Variants in CPLANE1 observed in about 807,000 individuals in gnomAD.
CPLANE1 encodes the protein ciliogenesis and planar polarity effector complex subunit 1.
Under a neutral mutation model 362.5 loss-of-function variants are expected in CPLANE1, and 263 were observed. The observed-to-expected ratio is 0.73, with a 90% CI of 0.66 to 0.80. The LOEUF is 0.80. CPLANE1 is among the 30% of genes least tolerant of loss of function. The pLI is 0.00. For missense variants in CPLANE1, 3,461 were observed against 3,793.4 expected (o/e 0.91, Z 2.30); for synonymous variants, 1,212 against 1,302.6 (o/e 0.93, Z 1.50).
intron 1 of CPLANE1, 53 bp from the exon 2 acceptor site, chr5:37,247,798 A>ATTT (rs11320255): frequency 2.8e-4 from 292 of 1,031,710 alleles, no homozygotes; most frequent in East Asian, 3.8e-4. Flanking sequence ...TTCACTGGGC[A>ATTT]TTTTTTTTTT....
intron 51 of CPLANE1, among the ~76,000 whole-genome samples, chr5:37,112,806 C>T (rs990904255): frequency 2.6e-5 from 4 of 152,210 alleles, no homozygotes; most frequent in African/African-American, 9.6e-5. Context: ...ACATTTCTAA[C>T]TTTCAGAGGC....
In CPLANE1 at chr5:37,169,012, G is replaced by C. The variant is rs548311210; in HGVS notation, c.7012C>G (p.Pro2338Ala). ...GGCTTAACATCAAATAGTTTTTCTG[G>C]TTTTATAAACACTGAAGAGTCCTGT... ...PQQDSSVFIKPEKLFDVKPGT... is the reference protein window; with the variant it reads ...PQQDSSVFIKAEKLFDVKPGT... Residue 2338 changes from proline (P) to alanine (A), a missense_variant, in exon 34 of 53, where the codon CCA becomes GCA. Around this residue, in one of 2 missense-constraint regions of CPLANE1, gnomAD observed 3,380 missense variants for 3,666.1 expected, o/e 0.92. Transcript: ENST00000651892. 2.5e-5 allele frequency: 40 copies of C among 1,614,054 alleles called. 1 individual carries two copies. In the South Asian group the frequency reaches 4.3e-4, roughly 17 times the overall value.
chr5:37,151,896 A>AC (rs1241423955), intron 42 of CPLANE1, among the ~76,000 whole-genome samples: 1 of 152,144 alleles, frequency 6.6e-6, no homozygotes, highest in African/African-American at 2.4e-5. Flanking sequence ...CAAAAAAAAA[A>AC]AGAGGAAAAC....
chr5:37,223,737 A>G (rs1332886559), intron 14 of CPLANE1, among the ~76,000 whole-genome samples: 2 of 152,216 alleles, frequency 1.3e-5, no homozygotes, highest in Non-Finnish European at 2.9e-5. Context: ...TACAATTCTT[A>G]AAGTTAAATT....
intron 8 of CPLANE1, among the ~76,000 whole-genome samples, chr5:37,237,798 C>T (rs1008024471): frequency 1.3e-5 from 2 of 151,534 alleles, no homozygotes; most frequent in African/African-American, 4.9e-5. Context: ...TGCAGTTAGC[C>T]GAGATCACAC....
intron 16 of CPLANE1, among the ~76,000 whole-genome samples, chr5:37,212,890 T>C (rs1793012195): frequency 6.6e-6 from 1 of 152,246 alleles, no homozygotes; most frequent in Admixed American, 6.5e-5. Context: ...GGCACACCTA[T>C]AGTCCCTGCT....
rs1339371570 is a variant in CPLANE1, at chr5:37,209,215, C to T, written c.2921-2790G>A. 2 of 574,540 alleles carry T rather than the reference C, an allele frequency of 3.5e-6. No homozygotes were observed. The highest frequency in any genetic ancestry group is 6.3e-6 in the Non-Finnish European group (2 of 318,026). 35.6% of individuals were successfully genotyped at this position (574,540 alleles called of 1,614,324 possible). ...GGAGTGCAAGGCAGAGAGCGTTCAGCACCCTTGTTCCTCCCGACCCCTCAG... is the reference window on the plus strand; with the variant it reads ...GGAGTGCAAGGCAGAGAGCGTTCAGTACCCTTGTTCCTCCCGACCCCTCAG... On this transcript the variant is annotated intron_variant, in intron 16 of 52. Transcript: ENST00000651892. This position sits in a 1 kb window ranked among gnomAD's most constrained non-coding sequence, Gnocchi z 4.6.
intron 21 of CPLANE1, among the ~76,000 whole-genome samples, chr5:37,192,712 A>AAG (rs1785923280): frequency 6.6e-6 from 1 of 151,352 alleles, no homozygotes; most frequent in African/African-American, 2.4e-5. Context: ...AAAATACAAA[A>AAG]AATTAGCTGG....
At chr5:37,224,223 T>C in intron 14 of CPLANE1, 30 bp downstream of exon 14, 1 of 1,440,440 alleles carries the variant, frequency 6.9e-7, no homozygotes. Flanking sequence ...CTGCTAATAT[T>C]ATGGCACATA....
intron 16 of CPLANE1, among the ~76,000 whole-genome samples, chr5:37,208,329 C>T (rs1791422964): frequency 6.6e-6 from 1 of 152,216 alleles, no homozygotes; most frequent in Non-Finnish European, 1.5e-5. Context: ...TTTACACAAA[C>T]TCAGGTTAGA....
At chr5:37,120,383 TATC>T (rs765751493) in intron 49 of CPLANE1, 43 bp from the exon 50 acceptor site, 2 of 1,507,474 alleles carry the variant, frequency 1.3e-6, no homozygotes, top group South Asian at 2.6e-5. Flanking sequence ...CAGAATCTCA[TATC>T]AGCGATAAAC....
chr5:37,242,050 T>C (rs1800644658), intron 6 of CPLANE1, among the ~76,000 whole-genome samples: 1 of 152,168 alleles, frequency 6.6e-6, no homozygotes, highest in Non-Finnish European at 1.5e-5. Context: ...ACTTAGGCAT[T>C]GTAAGAAAAT....
intron 50 of CPLANE1, among the ~76,000 whole-genome samples, chr5:37,119,944 G>A (rs1243976088): frequency 6.6e-6 from 1 of 151,032 alleles, no homozygotes; most frequent in Non-Finnish European, 1.5e-5. Context: ...CCAAGATCTC[G>A]CCACTGCACT....
At chr5:37,143,116 T>A (rs1770311135) in intron 43 of CPLANE1, among the ~76,000 whole-genome samples, 1 of 152,220 alleles carries the variant, frequency 6.6e-6, no homozygotes. Context: ...ATCAATAAAG[T>A]ACAGCAACCC....
At position 37,144,754 on chromosome 5, in the gene CPLANE1, G is replaced by A. The variant is rs541941183; in HGVS notation, c.8462-2274C>T. ...TAGTCCCAGCTACTCAGGAGACTGAGGCAGGAGAATGGCATGAACCCAGGA... is the reference window on the plus strand; with the variant it reads ...TAGTCCCAGCTACTCAGGAGACTGAAGCAGGAGAATGGCATGAACCCAGGA... On this transcript the variant is annotated intron_variant, in intron 43 of 52. Transcript: ENST00000651892. Among the ~76,000 whole-genome samples, 7 of 151,732 alleles carry A rather than the reference G, an allele frequency of 4.6e-5. No individual in the cohort carries two copies. In the South Asian group the frequency reaches 1.5e-3, roughly 32 times the overall value.
the CPLANE1 span, among the ~76,000 whole-genome samples, chr5:37,089,563 T>C: frequency 2.0e-5 from 3 of 152,330 alleles, no homozygotes; most frequent in East Asian, 5.8e-4. Context: ...TCACCCATTT[T>C]TGTCATTCCC....
rs1478974970 is a variant in CPLANE1 at position 37,244,545 on chromosome 5, G to T, written c.400C>A (p.Pro134Thr). 6.4e-7 allele frequency: 1 copy of T among 1,551,516 alleles called. No homozygotes were observed. The highest frequency in any genetic ancestry group is 2.0e-5 in the Admixed American group (1 of 50,970). The part of the protein sequence containing the change: ...GNGKRIVLIT[P>T]SGCIFLWEYL... ...TCCCAAAGAAATATGCATCCAGAAG[G>T]TGTTATGAGCACAATTCTTTTCCCA... The change falls in exon 5 of 53, where the codon CCT (proline) becomes ACT (threonine). Residue 134 changes from proline (P) to threonine (T), a missense_variant. By Grantham distance (38) the Pro-to-Thr change is conservative (BLOSUM62 -1). This residue lies in a region of CPLANE1 where 3,380 missense variants were observed against 3,666.1 expected (regional missense o/e 0.92). Coordinates refer to ENST00000651892, the MANE Select transcript of CPLANE1 (RefSeq NM_001384732.1).
rs367627463 is a variant in CPLANE1, at chr5:37,239,844, C to T, written c.703G>A (p.Ala235Thr). ...CTACAGAGATGACAGTCTTGTTGAGCCCAATGAACATGGTATGGCAATGAT... is the reference window on the plus strand; with the variant it reads ...CTACAGAGATGACAGTCTTGTTGAGTCCAATGAACATGGTATGGCAATGAT... Reference protein sequence around the residue: ...VRSLPYHVHWAQQDCHLCSLI... With the variant: ...VRSLPYHVHWTQQDCHLCSLI... Residue 235 changes from alanine (A) to threonine (T), a missense_variant, in exon 7 of 53, where the codon GCT becomes ACT. This residue lies in a region of CPLANE1 where 3,380 missense variants were observed against 3,666.1 expected (regional missense o/e 0.92). Transcript: ENST00000651892. 6.6e-7 allele frequency: 1 copy of T among 1,519,848 alleles called. No homozygotes were observed. Among genetic ancestry groups the T allele is most frequent in the South Asian group, 1.3e-5 (1 of 77,372 alleles). The allele number at this position is 1,519,848 out of a possible 1,614,324, so 94.1% of individuals were successfully genotyped here.
chr5:37,162,662 TG>T, intron 37 of CPLANE1, 96 bp from the exon 38 acceptor site: 1 of 789,562 alleles, frequency 1.3e-6, no homozygotes, highest in South Asian at 1.8e-5. Flanking sequence ...AAGTAAAATA[TG>T]GGGTGTCAGG....
Sources: gnomAD v4.1 joint callset for allele counts (sites outside exome capture counted in the v4.1 genomes callset) on GRCh38, gnomAD v4.1.1 for gene constraint, gnomAD v4.1.1 regional missense constraint, Gnocchi (gnomAD v3.1) non-coding constraint, MANE v1.5 for transcripts, NCBI Gene and HGNC (gene_info 2026-07-23, HGNC 2026-07-21) for gene names.